The following IL18RAP variants were observed in gnomAD, a reference collection of about 807,000 sequenced individuals.
IL18RAP encodes the protein interleukin 18 receptor accessory protein.
In IL18RAP, 37 loss-of-function variants were observed where a neutral mutation model predicts 58.1. That is an observed-to-expected ratio of 0.64 (90% confidence interval 0.49 to 0.84). IL18RAP has a LOEUF of 0.84. Among genes scored for constraint, IL18RAP ranks in the 40% least tolerant of loss-of-function variants. The pLI, the probability that IL18RAP is intolerant of heterozygous loss-of-function variation, is 0.00. For missense variants in IL18RAP, 667 were observed against 704.8 expected, an observed-to-expected ratio of 0.95 and a Z score of 0.61; for synonymous variants, 268 against 257.5, an observed-to-expected ratio of 1.04 and a Z score of -0.39.
upstream of IL18RAP, among the ~76,000 whole-genome samples, chr2:102,422,008 C>G (rs1304857215): frequency 6.6e-6 from 1 of 151,666 alleles, no homozygotes; most frequent in African/African-American, 2.4e-5. Context: ...CCAAGGCCCT[C>G]TCATCTCCAG....
At chr2:102,451,304 C>T (rs776619568) in intron 9 of IL18RAP, among the ~76,000 whole-genome samples, 35 of 152,354 alleles carry the variant, frequency 2.3e-4, no homozygotes, top group African/African-American at 6.0e-4. Context: ...GTGAACTACT[C>T]GCTCACCCCA....
At chr2:102,431,598 T>C (rs1471509430) in intron 3 of IL18RAP, among the ~76,000 whole-genome samples, 1 of 152,138 alleles carries the variant, frequency 6.6e-6, no homozygotes, top group Non-Finnish European at 1.5e-5. Context: ...TCATTCTTTT[T>C]TCTTTTTGCT....
upstream of IL18RAP, among the ~76,000 whole-genome samples, chr2:102,421,682 C>A (rs1175158945): frequency 3.3e-5 from 5 of 152,198 alleles, no homozygotes; most frequent in Non-Finnish European, 7.4e-5. Flanking sequence ...GCGCATTGCA[C>A]AGAACCCCCT....
At chr2:102,447,913 T>G (rs892089145) in intron 8 of IL18RAP, among the ~76,000 whole-genome samples, 1 of 152,050 alleles carries the variant, frequency 6.6e-6, no homozygotes, top group Non-Finnish European at 1.5e-5. Flanking sequence ...GTGTTTTTAG[T>G]AGAGACTGCT....
rs141071327 is a variant in IL18RAP at position 102,450,304 on chromosome 2, G to A, written c.1211-544G>A. On this transcript the variant is annotated intron_variant, in intron 8 of 9. Transcript: ENST00000687160. The stretch of plus-strand genomic sequence containing the variant: ...GCACCTCCTATGAGCCAGGCACCAA[G>A]AAGTTCATATACATTATCTCATGAA... 2.7e-3 allele frequency among the ~76,000 whole-genome samples: 407 copies of A among 152,356 alleles called. 1 individual carries two copies. The highest frequency in any genetic ancestry group is 9.5e-3 in the African/African-American group (397 of 41,598).
chr2:102,443,978 C>CA (rs894046009), intron 6 of IL18RAP, among the ~76,000 whole-genome samples: 3 of 152,018 alleles, frequency 2.0e-5, no homozygotes, highest in African/African-American at 4.8e-5. Context: ...TATCCAATCA[C>CA]AAAAAAAGTT....
chr2:102,452,167 C>T lies in IL18RAP; in HGVS notation c.1786C>T (p.Pro596Ser), dbSNP rs200833324. 2 of 1,604,544 alleles carry T rather than the reference C, an allele frequency of 1.2e-6. No homozygotes were observed. The highest frequency in any genetic ancestry group is 1.7e-6 in the Non-Finnish European group (2 of 1,175,526). Residue 596 changes from proline to serine, a missense_variant, in exon 10 of 10, where the codon CCT becomes TCT. Transcript: ENST00000687160. Reference sequence around the variant, plus strand: ...AGAAACCACTGGGAGGAGCTCCCAGCCTAAGGAATGGTGAAATGAGCCCTG... The same window carrying T: ...AGAAACCACTGGGAGGAGCTCCCAGTCTAAGGAATGGTGAAATGAGCCCTG... Reference protein sequence around the residue: ...RTETTGRSSQPKEW With the variant: ...RTETTGRSSQSKEW
intron 7 of IL18RAP, 85 bp downstream of exon 7, chr2:102,445,425 G>C: frequency 7.5e-7 from 1 of 1,335,774 alleles, no homozygotes; most frequent in Non-Finnish European, 1.1e-6. Flanking sequence ...TAATAATGAT[G>C]ACAGCGATTA....
intron 8 of IL18RAP, among the ~76,000 whole-genome samples, chr2:102,449,471 A>T (rs1057234602): frequency 2.6e-5 from 4 of 152,188 alleles, no homozygotes; most frequent in Non-Finnish European, 5.9e-5. Flanking sequence ...TCAATGGGGA[A>T]ACATTTACTT....
At chr2:102,447,910 T>A (rs567386988) in intron 8 of IL18RAP, among the ~76,000 whole-genome samples, 1 of 152,230 alleles carries the variant, frequency 6.6e-6, no homozygotes, top group East Asian at 1.9e-4. Flanking sequence ...TTTGTGTTTT[T>A]AGTAGAGACT....
At chr2:102,436,117 T>C (rs935953651) in intron 3 of IL18RAP, among the ~76,000 whole-genome samples, 1 of 152,204 alleles carries the variant, frequency 6.6e-6, no homozygotes, top group African/African-American at 2.4e-5. Flanking sequence ...AAGTTCCATT[T>C]CATAAAGTCT....
rs892029176 is a variant in IL18RAP at position 102,441,471 on chromosome 2, A to G, written c.796+94A>G. 9.3e-6 allele frequency: 9 copies of G among 968,098 alleles called. No individual in the cohort carries two copies. The African/African-American group carries it at 1.1e-4, about 12-fold the overall frequency. 60.0% of individuals were successfully genotyped at this position (968,098 alleles called of 1,614,324 possible). On this transcript the variant is annotated intron_variant, in intron 5 of 9. Coordinates refer to ENST00000687160, the MANE Select transcript of IL18RAP (RefSeq NM_001393487.1). ...AAAACAGCATTGGGATTTCCAGTCA[A>G]ACAGAATTGGGTGTGAATCTTAACT... is the stretch of plus-strand genomic sequence containing the variant.
At chr2:102,440,450 G>T (rs1479588562) in intron 4 of IL18RAP, 3 of 152,266 alleles carry the variant, frequency 2.0e-5, no homozygotes, top group African/African-American at 7.2e-5. Flanking sequence ...CGGAAATCAG[G>T]TTCCATAGGA....
At chr2:102,444,287 G>A (rs1197750228) in intron 6 of IL18RAP, among the ~76,000 whole-genome samples, 2 of 152,296 alleles carry the variant, frequency 1.3e-5, no homozygotes, top group East Asian at 1.9e-4. Flanking sequence ...TTGCATTAGA[G>A]TTCACAGTAG....
chr2:102,421,658 T>C (rs1003291273), upstream of IL18RAP, among the ~76,000 whole-genome samples: 1 of 152,198 alleles, frequency 6.6e-6, no homozygotes, highest in Non-Finnish European at 1.5e-5. Context: ...CACCTATCCG[T>C]GGCATTCTGC....
chr2:102,451,614 C>T (rs1042463251), intron 9 of IL18RAP, 152 bp from the exon 10 acceptor site: 9 of 650,482 alleles, frequency 1.4e-5, no homozygotes, highest in East Asian at 2.7e-5. Flanking sequence ...GACACTGGAG[C>T]GTATCTCCAA....
chr2:102,445,177 C>G lies in IL18RAP; in HGVS notation c.921-12C>G. ...GTTACTGAATGGAGTGGTATTTTTT[C>G]TCCTTTCTCAGTATTAAATCCACTT... On this transcript the variant is annotated splice_polypyrimidine_tract_variant and intron_variant, in intron 6 of 9. Coordinates refer to ENST00000687160, the MANE Select transcript of IL18RAP (RefSeq NM_001393487.1). 1 of 1,610,402 alleles carries G rather than the reference C, an allele frequency of 6.2e-7. No homozygotes were observed. The highest frequency in any genetic ancestry group is 1.3e-5 in the African/African-American group (1 of 74,896).
intron 4 of IL18RAP, among the ~76,000 whole-genome samples, chr2:102,437,896 G>A (rs188750990): frequency 9.1e-4 from 138 of 152,104 alleles, no homozygotes; most frequent in Non-Finnish European, 1.5e-3. Flanking sequence ...ATATTGTTTT[G>A]AGTTATGAAA....
intron 3 of IL18RAP, among the ~76,000 whole-genome samples, chr2:102,436,534 C>T (rs1418495310): frequency 6.6e-6 from 1 of 152,072 alleles, no homozygotes; most frequent in Non-Finnish European, 1.5e-5. Flanking sequence ...AGGAAACACA[C>T]GAGGGATGTG....
Sources: gnomAD v4.1 joint callset for allele counts (sites outside exome capture counted in the v4.1 genomes callset) on GRCh38, gnomAD v4.1.1 for gene constraint, MANE v1.5 for transcripts, NCBI Gene and HGNC (gene_info 2026-07-23, HGNC 2026-07-21) for gene names.